OPCML: variants seen among roughly 807,000 people sequenced by gnomAD.
OPCML encodes opioid binding protein/cell adhesion molecule like, also known as opioid-binding protein/cell adhesion molecule.
Under a neutral mutation model 37.8 loss-of-function variants are expected in OPCML, and 13 were observed. The ratio of observed to expected loss-of-function variants is 0.34; its 90% CI spans 0.22 to 0.55. The LOEUF (loss-of-function observed/expected upper bound fraction) is 0.55. OPCML is among the 20% of genes least tolerant of loss of function. The probability of loss-of-function intolerance (pLI) is 0.91; values close to 1 mark genes in which losing one functional copy is unlikely to be tolerated. For missense variants in OPCML, 341 were observed against 435.6 expected (o/e 0.78, Z 1.93); for synonymous variants, 176 against 168.8 (o/e 1.04, Z -0.33).
intron 1 of OPCML, chr11:133,006,917 G>C (rs1409377274): frequency 1.0e-6 from 1 of 985,348 alleles, no homozygotes; most frequent in African/African-American, 1.7e-5. Flanking sequence ...GGCTGGTGTA[G>C]TGCTTGTGGC....
intron 1 of OPCML, among the ~76,000 whole-genome samples, chr11:133,454,403 C>T (rs1343250175): frequency 6.6e-6 from 1 of 152,076 alleles, no homozygotes; most frequent in Non-Finnish European, 1.5e-5. Flanking sequence ...CATAGATTAG[C>T]AACAAAATAA....
At chr11:132,944,081 G>A (rs1480225488) in intron 1 of OPCML, among the ~76,000 whole-genome samples, 1 of 152,088 alleles carries the variant, frequency 6.6e-6, no homozygotes, top group African/African-American at 2.4e-5. Context: ...CCGGGCTGGG[G>A]ATGCCTGCGG....
chr11:132,793,193 C>T (rs562595493), intron 2 of OPCML, among the ~76,000 whole-genome samples: 24 of 152,218 alleles, frequency 1.6e-4, no homozygotes, highest in African/African-American at 4.8e-4. Flanking sequence ...CTGCCCTGAC[C>T]CAGTGCTGCC....
At chr11:132,894,232 C>T (rs566296649) in intron 2 of OPCML, among the ~76,000 whole-genome samples, 1 of 152,210 alleles carries the variant, frequency 6.6e-6, no homozygotes, top group Non-Finnish European at 1.5e-5. Flanking sequence ...GACTTACAAG[C>T]AAGCACTTGG....
intron 1 of OPCML, among the ~76,000 whole-genome samples, chr11:133,083,244 C>A (rs1455184014): frequency 6.6e-6 from 1 of 152,274 alleles, no homozygotes; most frequent in South Asian, 2.1e-4. Flanking sequence ...GCGGCGGGAG[C>A]GGGAGCCGCG....
intron 1 of OPCML, among the ~76,000 whole-genome samples, chr11:133,115,443 A>G (rs990344867): frequency 2.0e-5 from 3 of 152,208 alleles, no homozygotes; most frequent in Admixed American, 6.5e-5. Flanking sequence ...TAGAATTTCT[A>G]CGGAAGCCAC....
chr11:132,765,626 G>A (rs1435977439), intron 2 of OPCML, among the ~76,000 whole-genome samples: 1 of 152,202 alleles, frequency 6.6e-6, no homozygotes, highest in African/African-American at 2.4e-5. Flanking sequence ...AGCTCAGATA[G>A]AAGCAGAGTC....
chr11:132,726,534 T>C (rs1944891909), intron 2 of OPCML, among the ~76,000 whole-genome samples: 1 of 151,596 alleles, frequency 6.6e-6, no homozygotes, highest in African/African-American at 2.4e-5. Flanking sequence ...GAAAACCTCA[T>C]AATAATGAGG....
intron 3 of OPCML, among the ~76,000 whole-genome samples, chr11:132,627,160 G>A (rs1403938269): frequency 2.6e-5 from 4 of 151,876 alleles, no homozygotes. Context: ...GATATATAAT[G>A]GCCAGAAAAA....
chr11:133,054,498 TG>T lies in OPCML; in HGVS notation c.62-111489del, dbSNP rs76328422. On this transcript the variant is annotated intron_variant, in intron 1 of 7. Transcript: ENST00000524381. ...CTGCTGTTACTTTTGCCTGGAACAC[TG>T]CTCTCCCAGGGCTGCTCCTCACAGA... is the stretch of plus-strand genomic sequence containing the variant. 3.5e-4 allele frequency among the ~76,000 whole-genome samples: 53 copies of T among 152,348 alleles called. No homozygotes were observed. The East Asian group carries it at 0.01, about 29-fold the overall frequency.
intron 4 of OPCML, among the ~76,000 whole-genome samples, chr11:132,470,296 G>A (rs944671597): frequency 6.6e-6 from 1 of 152,032 alleles, no homozygotes; most frequent in Admixed American, 6.5e-5. Context: ...AGTTCTGGGG[G>A]TAAGGACCCC....
At chr11:132,495,577 T>A (rs2096228619) in intron 4 of OPCML, among the ~76,000 whole-genome samples, 1 of 152,152 alleles carries the variant, frequency 6.6e-6, no homozygotes, top group African/African-American at 2.4e-5. Flanking sequence ...ATAGGATGAA[T>A]ATTGTATAGA....
chr11:133,153,351 G>A (rs1423435986), intron 1 of OPCML, among the ~76,000 whole-genome samples: 1 of 152,200 alleles, frequency 6.6e-6, no homozygotes, highest in Non-Finnish European at 1.5e-5. Context: ...AGGAGAGCGA[G>A]TCCTCCAGAG....
intron 2 of OPCML, among the ~76,000 whole-genome samples, chr11:132,912,052 G>C (rs965794856): frequency 1.3e-5 from 2 of 152,004 alleles, no homozygotes; most frequent in East Asian, 3.9e-4. Context: ...TTAAGCTCTG[G>C]GACCATTAGA....
At chr11:133,344,120 A>G (rs1021438381) in intron 1 of OPCML, among the ~76,000 whole-genome samples, 1 of 152,206 alleles carries the variant, frequency 6.6e-6, no homozygotes, top group Non-Finnish European at 1.5e-5. Context: ...TCCATTCGTC[A>G]TAATCCATCG....
intron 1 of OPCML, among the ~76,000 whole-genome samples, chr11:133,049,930 G>C (rs868095222): frequency 5.6e-4 from 86 of 152,230 alleles, no homozygotes; most frequent in African/African-American, 2.0e-3. Context: ...CAGTTATTCA[G>C]CCAAACGCTG....
At chr11:133,411,058 G>T (rs73604534) in intron 1 of OPCML, among the ~76,000 whole-genome samples, 2,100 of 152,232 alleles carry the variant, frequency 0.014, 50 homozygotes, top group African/African-American at 0.048. Context: ...AGGACCCTGA[G>T]GAATTAGACA....
chr11:132,986,681 G>A lies in OPCML; in HGVS notation c.62-43671C>T, dbSNP rs186430073. Among the ~76,000 whole-genome samples the A allele has an allele frequency of 7.2e-4, 109 of 152,256 alleles. 1 individual carries two copies. In the East Asian group the frequency reaches 0.02, roughly 27 times the overall value. ...GCTTGTAAGGGTTCTGTATCTGTAT[G>A]CCTTTAGAAAGATTTTCTTCTTTTA... On this transcript the variant is annotated intron_variant, in intron 1 of 7. Coordinates refer to ENST00000524381, the MANE Select transcript of OPCML (RefSeq NM_001012393.5).
At chr11:132,718,188 G>T (rs1367560422) in intron 2 of OPCML, among the ~76,000 whole-genome samples, 1 of 152,078 alleles carries the variant, frequency 6.6e-6, no homozygotes, top group Non-Finnish European at 1.5e-5. Flanking sequence ...GTCTTGGTGC[G>T]CTGTCTCTGT....
Sources: gnomAD v4.1 joint callset for allele counts (sites outside exome capture counted in the v4.1 genomes callset) on GRCh38, gnomAD v4.1.1 for gene constraint, MANE v1.5 for transcripts, NCBI Gene and HGNC (gene_info 2026-07-23, HGNC 2026-07-21) for gene names.